PTPRM: variants seen among roughly 807,000 people sequenced by gnomAD.
PTPRM encodes receptor-type tyrosine-protein phosphatase mu.
PTPRM carries 47 observed loss-of-function variants against 186.7 expected under a neutral mutation model. The observed-to-expected ratio is 0.25, with a 90% CI of 0.20 to 0.32. The LOEUF (loss-of-function observed/expected upper bound fraction) is 0.32, where lower values mean the gene tolerates loss of function less well. Ranked by LOEUF, PTPRM falls within the 10% of genes least tolerant of loss-of-function variation. PTPRM has a pLI of 1.00. For missense variants in PTPRM, 1,494 were observed against 1,865.0 expected (o/e 0.80, Z 3.66); for synonymous variants, 668 against 674.9 (o/e 0.99, Z 0.16).
At chr18:7,685,125 G>A (rs551770520) in intron 1 of PTPRM, among the ~76,000 whole-genome samples, 98 of 152,298 alleles carry the variant, frequency 6.4e-4, no homozygotes, top group South Asian at 2.7e-3. Context: ...ATAGTCACGA[G>A]TTCTACAGGA....
intron 2 of PTPRM, among the ~76,000 whole-genome samples, chr18:7,867,045 A>G (rs946940470): frequency 6.6e-6 from 1 of 151,720 alleles, no homozygotes; most frequent in African/African-American, 2.4e-5. Flanking sequence ...CTTTCCTTTT[A>G]CTTGGAAAAT....
At chr18:7,860,057 A>G (rs2047287434) in intron 2 of PTPRM, among the ~76,000 whole-genome samples, 2 of 151,562 alleles carry the variant, frequency 1.3e-5, no homozygotes, top group Non-Finnish European at 2.9e-5. Flanking sequence ...TGCCAGTTTT[A>G]TTTTTTAAAT....
At chr18:8,209,295 T>A (rs192163018) in intron 14 of PTPRM, among the ~76,000 whole-genome samples, 11 of 152,246 alleles carry the variant, frequency 7.2e-5, no homozygotes, top group Admixed American at 6.5e-4. Context: ...GAGGCAGTGA[T>A]GGCTGGTCCC....
intron 7 of PTPRM, among the ~76,000 whole-genome samples, chr18:7,997,714 A>G (rs767513297): frequency 6.6e-6 from 1 of 152,196 alleles, no homozygotes; most frequent in Non-Finnish European, 1.5e-5. Flanking sequence ...AAAATGAGCC[A>G]GTGACCTAAG....
chr18:7,853,871 C>G (rs936832257), intron 2 of PTPRM, among the ~76,000 whole-genome samples: 2 of 151,992 alleles, frequency 1.3e-5, no homozygotes, highest in Non-Finnish European at 2.9e-5. Context: ...AACTGATTTT[C>G]TAAATTGTTA....
chr18:8,290,176 A>G (rs2095026783), intron 19 of PTPRM, among the ~76,000 whole-genome samples: 1 of 152,224 alleles, frequency 6.6e-6, no homozygotes, highest in African/African-American at 2.4e-5. Flanking sequence ...AAGAAATTTC[A>G]CAGACTTTGC....
At chr18:7,846,567 T>C (rs933775645) in intron 2 of PTPRM, among the ~76,000 whole-genome samples, 1 of 152,230 alleles carries the variant, frequency 6.6e-6, no homozygotes, top group African/African-American at 2.4e-5. Flanking sequence ...CCGGGAATTA[T>C]GCACAGCATG....
chr18:8,340,632 A>T (rs572482321), intron 22 of PTPRM, among the ~76,000 whole-genome samples: 1 of 152,310 alleles, frequency 6.6e-6, no homozygotes, highest in Non-Finnish European at 1.5e-5. Flanking sequence ...TCCAAGCAAA[A>T]CAGGATTCCA....
chr18:7,977,965 A>G (rs2055068825), intron 7 of PTPRM, among the ~76,000 whole-genome samples: 1 of 152,154 alleles, frequency 6.6e-6, no homozygotes, highest in African/African-American at 2.4e-5. Flanking sequence ...CCTCTAACTC[A>G]AATCTTGTTG....
At chr18:7,791,536 G>C (rs966954) in intron 2 of PTPRM, among the ~76,000 whole-genome samples, 2,054 of 152,288 alleles carry the variant, frequency 0.013, 24 homozygotes, top group South Asian at 0.035. Flanking sequence ...TGGACATCCA[G>C]ATGGCACAGG....
intron 3 of PTPRM, among the ~76,000 whole-genome samples, chr18:7,892,239 G>A (rs997840603): frequency 6.6e-6 from 1 of 152,198 alleles, no homozygotes; most frequent in Non-Finnish European, 1.5e-5. Flanking sequence ...ACAGCCTCCA[G>A]AGCCACAGTG....
In PTPRM at chr18:8,406,759, C is replaced by T. The variant is rs1266177321; in HGVS notation, c.*597C>T. On this transcript the variant is annotated 3_prime_UTR_variant, in exon 33 of 33. Transcript: ENST00000580170. ...TCAGTTCACAAAATGCAAAACTCAA[C>T]GATCAGATTCACGGACCCAGAGCTT... 1 of 152,204 alleles carries T rather than the reference C, an allele frequency of 6.6e-6. No homozygotes were observed. The highest frequency in any genetic ancestry group is 6.5e-5 in the Admixed American group (1 of 15,290). 9.4% of individuals were successfully genotyped at this position (152,204 alleles called of 1,614,324 possible).
intron 1 of PTPRM, among the ~76,000 whole-genome samples, chr18:7,731,449 C>T (rs1054793485): frequency 6.6e-6 from 1 of 152,070 alleles, no homozygotes; most frequent in Non-Finnish European, 1.5e-5. Context: ...TAAGAGGTAT[C>T]GTTTTAGGGC....
At chr18:8,091,304 T>C (rs1356679594) in intron 11 of PTPRM, among the ~76,000 whole-genome samples, 2 of 152,204 alleles carry the variant, frequency 1.3e-5, no homozygotes, top group Admixed American at 6.5e-5. Context: ...CATGTCAGTA[T>C]TGGTGAATAT....
intron 2 of PTPRM, among the ~76,000 whole-genome samples, chr18:7,840,649 A>G (rs2046276958): frequency 6.6e-6 from 1 of 152,220 alleles, no homozygotes; most frequent in Non-Finnish European, 1.5e-5. Flanking sequence ...CAGGAAATTG[A>G]CAAATGATCA....
chr18:8,210,499 A>C (rs1339455928), intron 14 of PTPRM, among the ~76,000 whole-genome samples: 1 of 152,188 alleles, frequency 6.6e-6, no homozygotes, highest in Non-Finnish European at 1.5e-5. Flanking sequence ...CAGAGAGGGC[A>C]TGGCTCTACC....
intron 19 of PTPRM, among the ~76,000 whole-genome samples, chr18:8,271,763 A>G (rs1285791480): frequency 6.6e-6 from 1 of 152,072 alleles, no homozygotes; most frequent in Non-Finnish European, 1.5e-5. Flanking sequence ...TTTTATTTAG[A>G]GGCATACATT....
chr18:7,954,488 CTG>C (rs1334636156), intron 6 of PTPRM, among the ~76,000 whole-genome samples: 1 of 152,066 alleles, frequency 6.6e-6, no homozygotes, highest in Non-Finnish European at 1.5e-5. Flanking sequence ...ATGAGATAAA[CTG>C]TAATTTCAGG....
At position 8,193,079 on chromosome 18, in the gene PTPRM, T is replaced by C. The variant is rs568905726; in HGVS notation, c.2300+49300T>C. Among the ~76,000 whole-genome samples the C allele has an allele frequency of 9.2e-5, 14 of 152,348 alleles. No individual in the cohort carries two copies. In the South Asian group the frequency reaches 2.5e-3, roughly 27 times the overall value. ...ATTTTTCTTAGTTGTGATAACATTA[T>C]TGTGGTTATATAGGAGATCCATGCT... On this transcript the variant is annotated intron_variant, in intron 14 of 32. Coordinates refer to ENST00000580170, the MANE Select transcript of PTPRM (RefSeq NM_001105244.2).
Sources: gnomAD v4.1 joint callset for allele counts (sites outside exome capture counted in the v4.1 genomes callset) on GRCh38, gnomAD v4.1.1 for gene constraint, MANE v1.5 for transcripts, NCBI Gene and HGNC (gene_info 2026-07-23, HGNC 2026-07-21) for gene names.